Variants in SBSPON observed in about 807,000 individuals in gnomAD.
SBSPON encodes somatomedin-B and thrombospondin type-1 domain-containing protein.
Under a neutral mutation model 35.8 loss-of-function variants are expected in SBSPON, and 30 were observed. The ratio of observed to expected loss-of-function variants is 0.84; its 90% CI spans 0.63 to 1.14. SBSPON has a LOEUF of 1.14. SBSPON is among the 50% of genes most tolerant of loss of function. SBSPON has a pLI of 0.00. For missense variants in SBSPON, 364 were observed against 357.7 expected, an observed-to-expected ratio of 1.02 and a Z score of -0.14; for synonymous variants, 136 against 135.9, an observed-to-expected ratio of 1.00 and a Z score of 0.00.
intron 1 of SBSPON, among the ~76,000 whole-genome samples, chr8:73,091,191 C>T (rs2130047753): frequency 6.6e-6 from 1 of 152,294 alleles, no homozygotes; most frequent in South Asian, 2.1e-4. Flanking sequence ...ATTGGGCTTC[C>T]CTCCTACAGC....
rs1056793008 is a variant in SBSPON, at chr8:73,065,782, GAAA to G, written c.*1556_*1558del. 6.6e-6 allele frequency: 1 copy of G among 150,902 alleles called. No homozygotes were observed. The highest frequency in any genetic ancestry group is 2.4e-5 in the African/African-American group (1 of 41,050). The allele number at this position is 150,902 out of a possible 1,614,324, so 9.3% of individuals were successfully genotyped here. On this transcript the variant is annotated 3_prime_UTR_variant, in exon 5 of 5. Transcript: ENST00000297354. ...CAACAGAGTGAGACTCTGTCTCAAA[GAAA>G]AAAAAACTTTTAAGTAACATTGGAA... is the stretch of plus-strand genomic sequence containing the variant.
At chr8:73,084,757 C>G (rs904952524) in intron 1 of SBSPON, among the ~76,000 whole-genome samples, 1 of 70,438 alleles carries the variant, frequency 1.4e-5, no homozygotes, top group Non-Finnish European at 2.9e-5. Context: ...CAGACACACA[C>G]ACACACACAC....
intron 2 of SBSPON, among the ~76,000 whole-genome samples, chr8:73,072,588 G>A: frequency 6.6e-6 from 1 of 152,212 alleles, no homozygotes; most frequent in East Asian, 1.9e-4. Context: ...AGAATCACTT[G>A]AACCCGGGAG....
At chr8:73,073,813 A>C (rs1281910835) in intron 2 of SBSPON, among the ~76,000 whole-genome samples, 1 of 151,472 alleles carries the variant, frequency 6.6e-6, no homozygotes, top group Non-Finnish European at 1.5e-5. Context: ...AAAAAAAAAA[A>C]CAAAAACAAA....
At chr8:73,075,275 T>C (rs1286362594) in intron 2 of SBSPON, among the ~76,000 whole-genome samples, 1 of 152,202 alleles carries the variant, frequency 6.6e-6, no homozygotes, top group East Asian at 1.9e-4. Flanking sequence ...CCCCAGGCCT[T>C]GGGCTTGGTG....
chr8:73,077,258 G>A (rs536868556), intron 2 of SBSPON, among the ~76,000 whole-genome samples: 7 of 152,328 alleles, frequency 4.6e-5, no homozygotes, highest in South Asian at 2.1e-4. Flanking sequence ...AGCAGCAGCC[G>A]TAGAAAATGA....
intron 2 of SBSPON, chr8:73,074,595 T>C: frequency 1.0e-6 from 1 of 983,516 alleles, no homozygotes; most frequent in South Asian, 4.7e-5. Flanking sequence ...TCTGTAATAA[T>C]ATAGATGACA....
At chr8:73,071,158 C>A (rs890756257) in intron 3 of SBSPON, among the ~76,000 whole-genome samples, 1 of 152,210 alleles carries the variant, frequency 6.6e-6, no homozygotes, top group African/African-American at 2.4e-5. Context: ...GGCCCAGCCT[C>A]AGGCATCTCT....
chr8:73,085,445 C>T (rs1810805100), intron 1 of SBSPON: 2 of 150,228 alleles, frequency 1.3e-5, no homozygotes, highest in Non-Finnish European at 1.5e-5. Context: ...AAAAAAAAAT[C>T]CATGCTTACC....
chr8:73,075,973 C>G (rs777558303), intron 2 of SBSPON, among the ~76,000 whole-genome samples: 1 of 152,126 alleles, frequency 6.6e-6, no homozygotes, highest in Non-Finnish European at 1.5e-5. Context: ...AATAGCTACT[C>G]AGTCATTAAT....
chr8:73,067,737 T>A (rs1471051412), intron 4 of SBSPON, among the ~76,000 whole-genome samples: 1 of 15,996 alleles, frequency 6.3e-5, no homozygotes, highest in African/African-American at 2.3e-4. Flanking sequence ...GGGATGGAGT[T>A]TAACTGTGTT....
chr8:73,090,062 G>A (rs78545568), intron 1 of SBSPON, among the ~76,000 whole-genome samples: 2,385 of 152,288 alleles, frequency 0.016, 42 homozygotes, highest in African/African-American at 0.054. Context: ...CTTTTTAGTA[G>A]AAATAGGGTT....
chr8:73,070,456 G>A (rs59971337), intron 3 of SBSPON, among the ~76,000 whole-genome samples: 6,251 of 152,210 alleles, frequency 0.041, 430 homozygotes, highest in African/African-American at 0.14. Flanking sequence ...TCTGCTCCAC[G>A]AAAGTACCCG....
intron 4 of SBSPON, among the ~76,000 whole-genome samples, chr8:73,068,109 TGA>T (rs1287493429): frequency 3.3e-5 from 5 of 152,080 alleles, no homozygotes; most frequent in African/African-American, 1.2e-4. Flanking sequence ...GAAAAAACAA[TGA>T]GAGAGCTGAA....
intron 2 of SBSPON, 69 bp downstream of exon 2, chr8:73,080,950 T>C: frequency 7.1e-7 from 1 of 1,406,504 alleles, no homozygotes; most frequent in Non-Finnish European, 9.7e-7. Flanking sequence ...GCATATGGCC[T>C]TTTGTAGGAT....
In SBSPON at chr8:73,066,194, ATTTAC is replaced by A. The variant is rs1423691307; in HGVS notation, c.*1142_*1146del. 1 of 152,180 alleles carries A rather than the reference ATTTAC, an allele frequency of 6.6e-6. No individual in the cohort carries two copies. Among genetic ancestry groups the A allele is most frequent in the African/African-American group, 2.4e-5 (1 of 41,436 alleles). 9.4% of individuals were successfully genotyped at this position (152,180 alleles called of 1,614,324 possible). ...CTAAACTAAATATCTTGAATTTAAA[ATTTAC>A]TTCACAAATGAAAGGGGCTTAGCTT... On this transcript the variant is annotated 3_prime_UTR_variant, in exon 5 of 5. Coordinates refer to ENST00000297354, the MANE Select transcript of SBSPON (RefSeq NM_153225.4).
intron 4 of SBSPON, among the ~76,000 whole-genome samples, chr8:73,068,478 T>C (rs1393630255): frequency 1.3e-5 from 2 of 152,230 alleles, no homozygotes; most frequent in Non-Finnish European, 2.9e-5. Flanking sequence ...AAAACCATAA[T>C]CTATGTGTGA....
intron 2 of SBSPON, among the ~76,000 whole-genome samples, chr8:73,077,169 G>C (rs1430377280): frequency 6.6e-6 from 1 of 152,192 alleles, no homozygotes; most frequent in Admixed American, 6.5e-5. Flanking sequence ...ACCTCCCAAA[G>C]TGCTGGGATT....
intron 1 of SBSPON, among the ~76,000 whole-genome samples, chr8:73,086,545 C>T (rs1271191292): frequency 1.3e-5 from 2 of 152,142 alleles, no homozygotes; most frequent in African/African-American, 2.4e-5. Context: ...AATGAGACTA[C>T]ATTCCCCAAG....
Sources: allele counts gnomAD v4.1 joint callset (sites outside exome capture counted in the v4.1 genomes callset), GRCh38; gene constraint gnomAD v4.1.1; transcripts MANE v1.5; gene names NCBI Gene and HGNC (gene_info 2026-07-23, HGNC 2026-07-21).